Variants in MTCH2 observed in about 807,000 individuals in gnomAD.
MTCH2 encodes the protein mitochondrial carrier 2.
Under a neutral mutation model 50.6 loss-of-function variants are expected in MTCH2, and 25 were observed. The ratio of observed to expected loss-of-function variants is 0.49; its 90% CI spans 0.36 to 0.69. The LOEUF is 0.69. Ranked by LOEUF, MTCH2 falls within the 30% of genes least tolerant of loss-of-function variation. The probability of loss-of-function intolerance (pLI) is 0.00; values close to 1 mark genes in which losing one functional copy is unlikely to be tolerated. For missense variants in MTCH2, 273 were observed against 384.4 expected, an observed-to-expected ratio of 0.71 and a Z score of 2.42; for synonymous variants, 106 against 132.0, an observed-to-expected ratio of 0.80 and a Z score of 1.35.
rs2153797847 is a variant in MTCH2, at chr11:47,617,319, T to C, written c.*1514A>G. 6.6e-6 allele frequency: 1 copy of C among 152,282 alleles called. No homozygotes were observed. The highest frequency in any genetic ancestry group is 1.9e-4 in the East Asian group (1 of 5,192). The allele number at this position is 152,282 out of a possible 1,614,324, so 9.4% of individuals were successfully genotyped here. On this transcript the variant is annotated 3_prime_UTR_variant, in exon 13 of 13. Coordinates refer to ENST00000302503, the MANE Select transcript of MTCH2 (RefSeq NM_014342.4). ...GAAGCCACAGGATAAACATGGCACA[T>C]TTTCCCAGATCATCTTTACTTAAAG...
At chr11:47,638,290 G>C (rs533616518) in intron 3 of MTCH2, among the ~76,000 whole-genome samples, 21 of 147,288 alleles carry the variant, frequency 1.4e-4, no homozygotes, top group African/African-American at 5.3e-4. Flanking sequence ...CGCCGGGCGC[G>C]GTGGCTCATG....
At chr11:47,615,597 T>C (rs2097287916), downstream of MTCH2, among the ~76,000 whole-genome samples, 1 of 151,706 alleles carries the variant, frequency 6.6e-6, no homozygotes, top group Non-Finnish European at 1.5e-5. Context: ...TGATGGAATA[T>C]AGGGCTTATG....
intron 3 of MTCH2, among the ~76,000 whole-genome samples, chr11:47,636,879 T>C (rs1181403170): frequency 6.6e-6 from 1 of 151,914 alleles, no homozygotes; most frequent in African/African-American, 2.4e-5. Context: ...TAGTGAGACT[T>C]TGTCTCTAAA....
intron 1 of MTCH2, among the ~76,000 whole-genome samples, chr11:47,640,235 A>G (rs977852304): frequency 6.6e-6 from 1 of 151,904 alleles, no homozygotes; most frequent in African/African-American, 2.4e-5. Context: ...AGGCTAAGGC[A>G]GGACAGTCGC....
chr11:47,637,343 CCCACTTTTCTCATG>C (rs2097309682), intron 3 of MTCH2, among the ~76,000 whole-genome samples: 2 of 152,144 alleles, frequency 1.3e-5, no homozygotes, highest in Non-Finnish European at 2.9e-5. Context: ...GCCCAGGGTT[CCCACTTTTCTCATG>C]GAAAACGCAT....
chr11:47,620,289 T>C (rs186577328), intron 12 of MTCH2, among the ~76,000 whole-genome samples: 84 of 150,736 alleles, frequency 5.6e-4, no homozygotes, highest in Admixed American at 8.6e-4. Flanking sequence ...ATAATAAAAT[T>C]AAAAAAAACA....
chr11:47,612,633 G>A (rs533860181), downstream of MTCH2, among the ~76,000 whole-genome samples: 8 of 151,440 alleles, frequency 5.3e-5, no homozygotes, highest in Admixed American at 4.0e-4. Flanking sequence ...TGAGGTGGGA[G>A]AATCATCTGA....
chr11:47,615,370 G>T (rs2097287788), downstream of MTCH2, among the ~76,000 whole-genome samples: 2 of 152,140 alleles, frequency 1.3e-5, no homozygotes, highest in Non-Finnish European at 2.9e-5. Context: ...GTTGGATGTA[G>T]TTTTTGTCAG....
At chr11:47,625,541 TC>T (rs2097297271) in intron 11 of MTCH2, 132 bp downstream of exon 11, 11 of 674,884 alleles carry the variant, frequency 1.6e-5, no homozygotes, top group Non-Finnish European at 2.3e-5. Flanking sequence ...ATACTTTTCC[TC>T]CCCCCCTTTT....
At chr11:47,636,298 G>A (rs2097308499) in intron 3 of MTCH2, among the ~76,000 whole-genome samples, 1 of 152,084 alleles carries the variant, frequency 6.6e-6, no homozygotes, top group Non-Finnish European at 1.5e-5. Flanking sequence ...GCTGGGCTTG[G>A]TGGCGGGCGC....
chr11:47,640,527 T>C (rs182320788), intron 1 of MTCH2, among the ~76,000 whole-genome samples: 97 of 152,206 alleles, frequency 6.4e-4, no homozygotes, highest in Non-Finnish European at 1.2e-3. Context: ...GCCATTCTCG[T>C]ACCTCAGCCT....
Position 47,638,788 on chromosome 11 carries a change from T to A in MTCH2, c.190A>T (p.Ile64Phe). Residue 64 changes from isoleucine (I) to phenylalanine (F), a missense_variant, in exon 3 of 13, where the codon ATC (isoleucine) becomes TTC (phenylalanine). Coordinates refer to ENST00000302503, the MANE Select transcript of MTCH2 (RefSeq NM_014342.4). ...GTGAACAACCCGCGCCTCCCATCGA[T>A]ACTGGCAATGTGCTGAGCTAAGAAC... The part of the protein sequence containing the change: ...LFSYAQHIAS[I>F]DGRRGLFTGL... 6.2e-7 allele frequency: 1 copy of A among 1,614,090 alleles called. No homozygotes were observed. Among genetic ancestry groups the A allele is most frequent in the Non-Finnish European group, 8.5e-7 (1 of 1,179,994 alleles).
the MTCH2 span, among the ~76,000 whole-genome samples, chr11:47,605,464 T>C: frequency 6.6e-6 from 1 of 152,198 alleles, no homozygotes; most frequent in Admixed American, 6.5e-5. Flanking sequence ...CACTTACTCT[T>C]TTAAATTTCA....
downstream of MTCH2, among the ~76,000 whole-genome samples, chr11:47,616,403 G>C (rs1308159791): frequency 6.6e-6 from 1 of 151,612 alleles, no homozygotes; most frequent in African/African-American, 2.4e-5. Flanking sequence ...CTGTCACCCA[G>C]TGGCACAATC....
rs768441220 is a variant in MTCH2 at position 47,625,691 on chromosome 11, C to G, written c.732G>C (p.Met244Ile). ...GTGCTTACCCACAGTTGTTGACAGCCATAAGATTGGAGACAAGCACAAAGG... is the reference window on the plus strand; with the variant it reads ...GTGCTTACCCACAGTTGTTGACAGCGATAAGATTGGAGACAAGCACAAAGG... ...TYPFVLVSNL[M>I]AVNNCGLAGG... is the part of the protein sequence containing the mutation. Residue 244 changes from methionine (M) to isoleucine (I), a missense_variant, in exon 11 of 13, where the codon ATG becomes ATC. Met to Ile is a conservative substitution (Grantham distance 10, BLOSUM62 1). Around this residue, in one of 2 missense-constraint regions of MTCH2, gnomAD observed 70 missense variants for 140.1 expected, o/e 0.50. Transcript: ENST00000302503. 6.2e-7 allele frequency: 1 copy of G among 1,613,078 alleles called. No individual in the cohort carries two copies. The highest frequency in any genetic ancestry group is 8.5e-7 in the Non-Finnish European group (1 of 1,179,168).
rs545191180 is a variant in MTCH2, at chr11:47,635,429, C to A, written c.306+116G>T. The A allele has an allele frequency of 1.1e-3, 1,300 of 1,177,454 alleles. 1 individual carries two copies. The highest frequency in any genetic ancestry group is 1.5e-3 in the Non-Finnish European group (1,191 of 796,038). The allele number at this position is 1,177,454 out of a possible 1,614,324, so 72.9% of individuals were successfully genotyped here. A position where few individuals can be genotyped will look rare whatever the true frequency, so the allele number is the denominator to read the frequency against. On this transcript the variant is annotated intron_variant, in intron 4 of 12. Transcript: ENST00000302503. The stretch of plus-strand genomic sequence containing the variant: ...AACTGGTGGCCACCCCATAGGACAA[C>A]ACTCACTGAGATGAATAGGAGACTG...
At chr11:47,609,761 G>A in the MTCH2 span, among the ~76,000 whole-genome samples, 6 of 152,112 alleles carry the variant, frequency 3.9e-5, no homozygotes, top group Admixed American at 2.6e-4. Context: ...TCTGTACCCT[G>A]GTCAAAGATG....
chr11:47,637,652 C>T (rs1264188996), intron 3 of MTCH2, among the ~76,000 whole-genome samples: 1 of 151,964 alleles, frequency 6.6e-6, no homozygotes, highest in African/African-American at 2.4e-5. Context: ...CTTGTGTAAC[C>T]ACCAGTTTTA....
At chr11:47,621,925 G>A (rs990799363) in intron 12 of MTCH2, among the ~76,000 whole-genome samples, 6 of 151,602 alleles carry the variant, frequency 4.0e-5, no homozygotes, top group South Asian at 2.1e-4. Flanking sequence ...GCTGAAGTGC[G>A]GTGATGCAAT....
Sources: allele counts gnomAD v4.1 joint callset (sites outside exome capture counted in the v4.1 genomes callset), GRCh38; gene constraint gnomAD v4.1.1; regional missense constraint gnomAD v4.1.1; transcripts MANE v1.5; gene names NCBI Gene and HGNC (gene_info 2026-07-23, HGNC 2026-07-21).